RBFOX2: variants seen among roughly 807,000 people sequenced by gnomAD.
The protein encoded by RBFOX2 is RNA binding fox-1 homolog 2.
A neutral mutation model predicts 49.1 loss-of-function variants in RBFOX2; 10 were observed. That is an observed-to-expected ratio of 0.20 (90% CI 0.13 to 0.35). RBFOX2 has a LOEUF of 0.35. Among genes scored for constraint, RBFOX2 ranks in the 10% least tolerant of loss-of-function variants. The probability of loss-of-function intolerance (pLI) is 1.00; values close to 1 mark genes in which losing one functional copy is unlikely to be tolerated. For missense variants in RBFOX2, 323 were observed against 486.9 expected, an observed-to-expected ratio of 0.66 and a Z score of 3.17; for synonymous variants, 183 against 187.4, an observed-to-expected ratio of 0.98 and a Z score of 0.19.
chr22:35,950,830 A>G lies in RBFOX2; in HGVS notation c.42+10733T>C, dbSNP rs187408154. Among the ~76,000 whole-genome samples, 23 of 152,118 alleles carry G rather than the reference A, an allele frequency of 1.5e-4. No individual in the cohort carries two copies. In the East Asian group the frequency reaches 3.7e-3, roughly 24 times the overall value. ...TATTATACTAATTCTATTTTGTCACACATCAATCATATTATTATATTTCTT... is the reference window on the plus strand; with the variant it reads ...TATTATACTAATTCTATTTTGTCACGCATCAATCATATTATTATATTTCTT... On this transcript the variant is annotated intron_variant, in intron 1 of 5. Coordinates refer to the RBFOX2 transcript ENST00000408983.
At chr22:35,870,606 T>C (rs764404413) in intron 1 of RBFOX2, among the ~76,000 whole-genome samples, 11 of 152,174 alleles carry the variant, frequency 7.2e-5, no homozygotes, top group Non-Finnish European at 1.6e-4. Flanking sequence ...ACAATATAGA[T>C]TTGGCTTGAT....
intron 1 of RBFOX2, among the ~76,000 whole-genome samples, chr22:35,969,929 G>T (rs111756429): frequency 6.6e-6 from 1 of 152,174 alleles, no homozygotes; most frequent in Non-Finnish European, 1.5e-5. Flanking sequence ...TTTCTCACCC[G>T]CAAATGGACT....
At chr22:36,006,004 G>C (rs1396150817) in intron 1 of RBFOX2, among the ~76,000 whole-genome samples, 1 of 152,260 alleles carries the variant, frequency 6.6e-6, no homozygotes, top group Non-Finnish European at 1.5e-5. Flanking sequence ...ATTTGTCTTT[G>C]AGTGGATTCA....
chr22:35,748,813 A>G (rs1933793415), intron 9 of RBFOX2, among the ~76,000 whole-genome samples: 1 of 152,272 alleles, frequency 6.6e-6, no homozygotes, highest in African/African-American at 2.4e-5. Flanking sequence ...CGGCAGAGGT[A>G]TAAATTCTTG....
intron 1 of RBFOX2, among the ~76,000 whole-genome samples, chr22:35,914,579 G>A (rs939467199): frequency 2.0e-4 from 31 of 152,190 alleles, no homozygotes; most frequent in Admixed American, 5.2e-4. Context: ...GAGAGTAGAT[G>A]CCAACAAGAA....
chr22:35,842,029 T>C (rs569143072), upstream of RBFOX2, among the ~76,000 whole-genome samples: 190 of 152,344 alleles, frequency 1.2e-3, 1 homozygote, highest in African/African-American at 4.2e-3. Context: ...CCTATCTCTA[T>C]TGTGAATTCA....
intron 1 of RBFOX2, among the ~76,000 whole-genome samples, chr22:35,983,740 G>A (rs1200064280): frequency 6.6e-6 from 1 of 152,126 alleles, no homozygotes; most frequent in Non-Finnish European, 1.5e-5. Context: ...TTGGTTAACT[G>A]AACTAAATGA....
rs566018879 is a variant in RBFOX2 at position 35,783,303 on chromosome 22, C to T, written c.253-1557G>A. On this transcript the variant is annotated intron_variant, in intron 2 of 11. Coordinates refer to ENST00000405409, the Ensembl canonical transcript of RBFOX2. ...ACCTGGACTCAGATCTCCCAAACTT[C>T]ATCTGATTTCCACTCAATCACGCTG... 3.3e-5 allele frequency among the ~76,000 whole-genome samples: 5 copies of T among 152,360 alleles called. No individual in the cohort carries two copies. In the South Asian group the frequency reaches 1.0e-3, roughly 32 times the overall value.
At chr22:35,861,675 A>G (rs982654382) in intron 1 of RBFOX2, among the ~76,000 whole-genome samples, 9 of 152,356 alleles carry the variant, frequency 5.9e-5, no homozygotes, top group African/African-American at 2.2e-4. Flanking sequence ...AAAGTCTCAT[A>G]TGCTGCTGGT....
chr22:35,858,206 A>G (rs1264176983), intron 1 of RBFOX2, among the ~76,000 whole-genome samples: 1 of 152,252 alleles, frequency 6.6e-6, no homozygotes, highest in African/African-American at 2.4e-5. Flanking sequence ...AAGTGGCAAT[A>G]AAGTACAAAA....
intron 1 of RBFOX2, among the ~76,000 whole-genome samples, chr22:35,835,995 T>C (rs1957586094): frequency 6.6e-6 from 1 of 150,664 alleles, no homozygotes; most frequent in African/African-American, 2.4e-5. Flanking sequence ...CAACCCACAA[T>C]CCCCGCCTAT....
At chr22:35,785,708 T>G (rs917998952) in intron 2 of RBFOX2, among the ~76,000 whole-genome samples, 1 of 152,230 alleles carries the variant, frequency 6.6e-6, no homozygotes, top group Non-Finnish European at 1.5e-5. Flanking sequence ...GCCTTGCAGA[T>G]GGCTTAAATG....
At chr22:35,845,229 T>C (rs183729287), upstream of RBFOX2, among the ~76,000 whole-genome samples, 4 of 152,224 alleles carry the variant, frequency 2.6e-5, no homozygotes, top group South Asian at 4.1e-4. Context: ...CTAACAGATA[T>C]TAAATACCTT....
chr22:35,969,866 G>A (rs551118067), intron 1 of RBFOX2, among the ~76,000 whole-genome samples: 1 of 152,308 alleles, frequency 6.6e-6, no homozygotes, highest in Non-Finnish European at 1.5e-5. Context: ...AACACAATGG[G>A]TTGAGGCTGT....
upstream of RBFOX2, among the ~76,000 whole-genome samples, chr22:35,941,265 C>A (rs2053658763): frequency 6.6e-6 from 1 of 152,118 alleles, no homozygotes; most frequent in Non-Finnish European, 1.5e-5. Flanking sequence ...TACTTCCACA[C>A]ACCATTCTCT....
At chr22:35,795,628 CAAAAAAA>C (rs139555281) in intron 2 of RBFOX2, among the ~76,000 whole-genome samples, 8 of 33,570 alleles carry the variant, frequency 2.4e-4, no homozygotes, top group Admixed American at 7.5e-4. Flanking sequence ...TGTAGAAAAG[CAAAAAAA>C]AAAAAAAAAA....
Position 35,952,312 on chromosome 22 carries a change from T to C in RBFOX2, c.42+9251A>G, listed in dbSNP as rs149894540. ...TATAGCCTTTTACTAGTATAAAGCATAGCTATAAGTATGACTACATCTGAG... is the reference window on the plus strand; with the variant it reads ...TATAGCCTTTTACTAGTATAAAGCACAGCTATAAGTATGACTACATCTGAG... On this transcript the variant is annotated intron_variant, in intron 1 of 5. Transcript: ENST00000408983. 4.3e-4 allele frequency among the ~76,000 whole-genome samples: 65 copies of C among 152,318 alleles called. No homozygotes were observed. The East Asian group carries it at 6.2e-3, about 14-fold the overall frequency.
At chr22:35,982,537 G>A (rs1379821246) in intron 1 of RBFOX2, among the ~76,000 whole-genome samples, 2 of 152,184 alleles carry the variant, frequency 1.3e-5, no homozygotes, top group South Asian at 2.1e-4. Flanking sequence ...CAGGGCATAC[G>A]GGCGCTAAAT....
intron 1 of RBFOX2, among the ~76,000 whole-genome samples, chr22:35,933,755 A>T (rs929814634): frequency 2.6e-5 from 4 of 151,944 alleles, no homozygotes; most frequent in Admixed American, 6.6e-5. Context: ...TAATAAAGGG[A>T]CGCTTTTAAC....
Sources: gnomAD v4.1 joint callset for allele counts (sites outside exome capture counted in the v4.1 genomes callset) on GRCh38, gnomAD v4.1.1 for gene constraint, MANE v1.5 for transcripts, NCBI Gene and HGNC (gene_info 2026-07-23, HGNC 2026-07-21) for gene names.